ZNF420: variants seen among roughly 807,000 people sequenced by gnomAD.
ZNF420 encodes zinc finger protein 420.
ZNF420 carries 31 observed loss-of-function variants against 44.7 expected under a neutral mutation model. That is an observed-to-expected ratio of 0.69 (90% confidence interval 0.52 to 0.94). ZNF420 has a LOEUF of 0.94. Among genes scored for constraint, ZNF420 ranks in the 40% least tolerant of loss-of-function variants. The probability of loss-of-function intolerance (pLI) is 0.00; values close to 1 mark genes in which losing one functional copy is unlikely to be tolerated. For synonymous variants in ZNF420, 245 were observed against 267.4 expected, an observed-to-expected ratio of 0.92 and a Z score of 0.82; for missense variants, 681 against 827.9, an observed-to-expected ratio of 0.82 and a Z score of 2.18.
At chr19:37,024,681 C>G (rs1967118542) in intron 1 of ZNF420, among the ~76,000 whole-genome samples, 1 of 152,116 alleles carries the variant, frequency 6.6e-6, no homozygotes, top group South Asian at 2.1e-4. Context: ...AACTCCTGAC[C>G]TCAGGTGATC....
chr19:37,100,573 T>C (rs7259915), intron 4 of ZNF420, among the ~76,000 whole-genome samples: 84,922 of 151,776 alleles, frequency 0.56, 25,243 homozygotes, highest in African/African-American at 0.75. Context: ...AATTGCTGGG[T>C]GTGGTGGCAG....
In ZNF420 at chr19:37,015,570, T is replaced by G. The variant is rs568584565; in HGVS notation, c.-125+7488T>G. Among the ~76,000 whole-genome samples the G allele has an allele frequency of 3.9e-5, 6 of 151,958 alleles. No individual in the cohort carries two copies. The South Asian group carries it at 1.2e-3, about 32-fold the overall frequency. ...AATCTTCTTTCAGTTCCATTCCGGG[T>G]CAAAAAGAAATGATGTGTGTAGAAA... On this transcript the variant is annotated intron_variant, in intron 1 of 4. Coordinates refer to the ZNF420 transcript ENST00000587029.
At position 37,128,786 on chromosome 19, in the gene ZNF420, G is replaced by A; in HGVS notation, c.1795G>A (p.Gly599Ser). 6.2e-7 allele frequency: 1 copy of A among 1,613,588 alleles called. No individual in the cohort carries two copies. The change falls in exon 5 of 5, where the codon GGC becomes AGC. Residue 599 changes from glycine (G) to serine (S), a missense_variant. By Grantham distance (56) the Gly-to-Ser change is moderately conservative. Transcript: ENST00000337995. ...CKECGKAFSH[G>S]SQLTLHQRIH... ...GGAGTGTGGCAAGGCCTTTAGTCAT[G>A]GCTCTCAGCTTACTCTACATCAGAG...
chr19:37,068,641 AAAAT>A (rs574606007), intron 1 of ZNF420, among the ~76,000 whole-genome samples: 7 of 152,186 alleles, frequency 4.6e-5, no homozygotes, highest in East Asian at 3.9e-4. Context: ...ACTCTGTCTC[AAAAT>A]AAATAAATAA....
intron 4 of ZNF420, chr19:37,096,187 T>C (rs534547873): frequency 1.3e-5 from 2 of 152,170 alleles, no homozygotes; most frequent in East Asian, 3.9e-4. Flanking sequence ...ATTGATTATA[T>C]TGTTTCACTT....
intron 1 of ZNF420, among the ~76,000 whole-genome samples, chr19:37,066,128 T>A (rs73625229): frequency 0.013 from 1,996 of 152,324 alleles, 47 homozygotes; most frequent in African/African-American, 0.045. Context: ...CAAAAGACAC[T>A]GTTAAAAATA....
chr19:37,085,708 A>G (rs1968722245), intron 2 of ZNF420, among the ~76,000 whole-genome samples: 1 of 151,886 alleles, frequency 6.6e-6, no homozygotes, highest in African/African-American at 2.4e-5. Context: ...CACTCTTAGT[A>G]TCCGGTAGTT....
intron 1 of ZNF420, among the ~76,000 whole-genome samples, chr19:37,044,798 C>A (rs550778608): frequency 1.3e-5 from 2 of 152,256 alleles, no homozygotes; most frequent in African/African-American, 4.8e-5. Flanking sequence ...CATTGCACTC[C>A]AGCCAAACTA....
rs1216649076 is a variant in ZNF420, at chr19:37,128,475, G to T, written c.1484G>T (p.Arg495Ile). Residue 495 changes from arginine (R) to isoleucine (I), a missense_variant, in exon 5 of 5, where the codon AGA (arginine) becomes ATA (isoleucine). By Grantham distance (97) the Arg-to-Ile change is moderately conservative. Transcript: ENST00000337995. The stretch of plus-strand genomic sequence containing the variant: ...GGTTCCCAGCTTACTCAACATCAGA[G>T]AATCCATACTGGTGAGAAACCTTAT... ...IRGSQLTQHQ[R>I]IHTGEKPYEC... 6.2e-7 allele frequency: 1 copy of T among 1,614,112 alleles called. No homozygotes were observed. Among genetic ancestry groups the T allele is most frequent in the Non-Finnish European group, 8.5e-7 (1 of 1,179,988 alleles).
chr19:37,103,757 GTCTCT>G (rs1044854158), intron 4 of ZNF420, among the ~76,000 whole-genome samples: 3 of 151,754 alleles, frequency 2.0e-5, no homozygotes, highest in African/African-American at 7.3e-5. Flanking sequence ...ATTGCCCTTT[GTCTCT>G]TCTAACATGA....
upstream of ZNF420, among the ~76,000 whole-genome samples, chr19:37,075,369 T>C (rs970751722): frequency 3.3e-5 from 5 of 152,200 alleles, no homozygotes; most frequent in Non-Finnish European, 4.4e-5. Flanking sequence ...GCTCACTTCC[T>C]TGCTCCAAAA....
intron 4 of ZNF420, among the ~76,000 whole-genome samples, chr19:37,119,186 C>T (rs1256194330): frequency 3.3e-5 from 5 of 151,914 alleles, no homozygotes; most frequent in Admixed American, 1.3e-4. Flanking sequence ...CAGCACCACA[C>T]CACACCTATT....
chr19:37,089,569 A>G (rs773674100), intron 3 of ZNF420, among the ~76,000 whole-genome samples: 23 of 152,202 alleles, frequency 1.5e-4, no homozygotes, highest in Non-Finnish European at 2.9e-4. Flanking sequence ...ATGATTAGGG[A>G]CTGAATACAG....
In ZNF420 at chr19:37,129,349, TTGTTA is replaced by T. The variant is rs1971538248; in HGVS notation, c.*293_*297del. The T allele has an allele frequency of 2.9e-6, 1 of 344,698 alleles. No homozygotes were observed. The allele number at this position is 344,698 out of a possible 1,614,324, so 21.4% of individuals were successfully genotyped here. A position where few individuals can be genotyped will look rare whatever the true frequency, so the allele number is the denominator to read the frequency against. On this transcript the variant is annotated 3_prime_UTR_variant, in exon 5 of 5. Transcript: ENST00000337995. ...ATCTTAGCTCTACTAGTTGATCTTT[TTGTTA>T]TATGTATCATGATACTTAACCTCTA...
intron 2 of ZNF420, 147 bp downstream of exon 2, chr19:37,080,535 T>TA (rs1355661605): frequency 2.6e-5 from 4 of 152,622 alleles, no homozygotes; most frequent in African/African-American, 9.7e-5. Flanking sequence ...AATGTGCCAT[T>TA]AATCGGGATA....
intron 4 of ZNF420, among the ~76,000 whole-genome samples, chr19:37,103,980 CTTTT>C (rs59756045): frequency 1.2e-4 from 17 of 139,200 alleles, no homozygotes; most frequent in African/African-American, 4.5e-4. Flanking sequence ...TTTTTTTTGT[CTTTT>C]TTTTTTTTTA....
chr19:37,079,432 C>G (rs1362226518), intron 1 of ZNF420, among the ~76,000 whole-genome samples: 2 of 152,162 alleles, frequency 1.3e-5, no homozygotes, highest in Non-Finnish European at 2.9e-5. Flanking sequence ...CCATGTGGCT[C>G]TGAGGACTTA....
chr19:37,056,815 C>G (rs1008473005), intron 1 of ZNF420, among the ~76,000 whole-genome samples: 2 of 152,210 alleles, frequency 1.3e-5, no homozygotes, highest in Admixed American at 1.3e-4. Context: ...GTCCTGAGGA[C>G]AGGACTCCGG....
chr19:37,112,802 C>T (rs895400803), intron 4 of ZNF420, among the ~76,000 whole-genome samples: 1 of 152,208 alleles, frequency 6.6e-6, no homozygotes, highest in Non-Finnish European at 1.5e-5. Context: ...GAATCAACCA[C>T]ACCAGTATGA....
Sources: gnomAD v4.1 joint callset for allele counts (sites outside exome capture counted in the v4.1 genomes callset) on GRCh38, gnomAD v4.1.1 for gene constraint, MANE v1.5 for transcripts, NCBI Gene and HGNC (gene_info 2026-07-23, HGNC 2026-07-21) for gene names.